ZXDC: variants seen among roughly 807,000 people sequenced by gnomAD.
The protein encoded by ZXDC is zinc finger protein ZXDC.
A neutral mutation model predicts 63.6 loss-of-function variants in ZXDC; 58 were observed. The ratio of observed to expected loss-of-function variants is 0.91; its 90% CI spans 0.74 to 1.13. The LOEUF is 1.13. Among genes scored for constraint, ZXDC ranks in the 50% most tolerant of loss-of-function variants. ZXDC has a pLI of 0.00. For missense variants in ZXDC, 1,133 were observed against 1,148.9 expected, an observed-to-expected ratio of 0.99 and a Z score of 0.20; for synonymous variants, 561 against 496.1, an observed-to-expected ratio of 1.13 and a Z score of -1.74.
chr3:126,460,354 G>C, intron 6 of ZXDC: 1 of 602,464 alleles, frequency 1.7e-6, no homozygotes, highest in South Asian at 7.3e-5. Context: ...AAAAAGAGCA[G>C]CCCTCAAAGC....
At chr3:126,444,332 A>C (rs557255579) in intron 7 of ZXDC, among the ~76,000 whole-genome samples, 2 of 152,306 alleles carry the variant, frequency 1.3e-5, no homozygotes, top group South Asian at 4.1e-4. Flanking sequence ...GGAGATCGAG[A>C]CCATCCTGGC....
chr3:126,439,819 G>A, intron 8 of ZXDC, 92 bp from the exon 9 acceptor site: 1 of 1,470,040 alleles, frequency 6.8e-7, no homozygotes. Context: ...CAGCTGCAAT[G>A]CGTGGCAGAA....
rs536009980 is a variant in ZXDC, at chr3:126,438,878, C to G, written c.2491-417G>C. ...GCCCCATCTAGCCTGTCTCCTCCTG[C>G]TACAAGAAGTGTTCCTGCTGTTGCA... On this transcript the variant is annotated intron_variant, in intron 9 of 9. Coordinates refer to ENST00000389709, the MANE Select transcript of ZXDC (RefSeq NM_025112.5). 6.6e-5 allele frequency among the ~76,000 whole-genome samples: 10 copies of G among 152,326 alleles called. No individual in the cohort carries two copies. The East Asian group carries it at 1.9e-3, about 29-fold the overall frequency.
intron 7 of ZXDC, among the ~76,000 whole-genome samples, chr3:126,444,562 C>A (rs1020894646): frequency 6.6e-6 from 1 of 151,932 alleles, no homozygotes; most frequent in African/African-American, 2.4e-5. Context: ...ATATGAAAAC[C>A]ACTGTAGAAT....
chr3:126,450,042 T>C (rs1042480201), intron 7 of ZXDC, among the ~76,000 whole-genome samples: 12 of 152,114 alleles, frequency 7.9e-5, no homozygotes, highest in African/African-American at 2.9e-4. Flanking sequence ...CCAAGCACCT[T>C]TCTACCTTTC....
At chr3:126,454,942 G>A (rs1219162371) in intron 7 of ZXDC, 19 of 985,250 alleles carry the variant, frequency 1.9e-5, no homozygotes, top group Non-Finnish European at 2.3e-5. Flanking sequence ...AAGAGTCTTG[G>A]ATTTCAAATG....
Position 126,461,543 on chromosome 3 carries a change from A to G in ZXDC, c.2119T>C (p.Phe707Leu). 1 of 1,608,474 alleles carries G rather than the reference A, an allele frequency of 6.2e-7. No homozygotes were observed. Among genetic ancestry groups the G allele is most frequent in the Non-Finnish European group, 8.5e-7 (1 of 1,175,838 alleles). ...AATAGAGTGCTTCATACCAAATAGA[A>G]GTTGCCAGTGCCTGCACTGAGCTCT... The part of the protein sequence containing the change: ...DTELSAGTGN[F>L]YLESGGSART... Residue 707 changes from phenylalanine (F) to leucine (L), a missense_variant, in exon 6 of 10, where the codon TTC (phenylalanine) becomes CTC (leucine). Physicochemically the swap from Phe to Leu is conservative, Grantham distance 22. Transcript: ENST00000389709.
intron 7 of ZXDC, among the ~76,000 whole-genome samples, chr3:126,457,936 A>G (rs1934371804): frequency 6.6e-6 from 1 of 152,228 alleles, no homozygotes; most frequent in East Asian, 1.9e-4. Flanking sequence ...TAAAACAGTG[A>G]TGTGATCATT....
intron 9 of ZXDC, among the ~76,000 whole-genome samples, chr3:126,439,112 G>A (rs1217572370): frequency 2.6e-5 from 4 of 152,204 alleles, no homozygotes; most frequent in East Asian, 1.9e-4. Flanking sequence ...TTTTGATTGC[G>A]AGGGAAATGC....
intron 5 of ZXDC, among the ~76,000 whole-genome samples, chr3:126,465,114 C>T (rs1021605111): frequency 3.3e-5 from 5 of 152,230 alleles, no homozygotes; most frequent in Admixed American, 6.5e-5. Flanking sequence ...GCTGGTCACA[C>T]AGGAGACGTG....
chr3:126,439,851 A>G, intron 8 of ZXDC, 124 bp from the exon 9 acceptor site: 1 of 1,448,088 alleles, frequency 6.9e-7, no homozygotes, highest in Non-Finnish European at 9.0e-7. Flanking sequence ...CCTGTATTCC[A>G]AGGGAGGCCC....
chr3:126,441,324 T>C (rs1453726779), intron 8 of ZXDC: 5 of 1,001,766 alleles, frequency 5.0e-6, no homozygotes, highest in Non-Finnish European at 4.8e-6. Context: ...GAAAGGCTGC[T>C]AGTGCGCCAC....
chr3:126,440,416 T>G (rs936977185), intron 8 of ZXDC: 9 of 985,156 alleles, frequency 9.1e-6, no homozygotes, highest in African/African-American at 1.7e-5. Context: ...AGGCCCGGAG[T>G]GCTTAAGTAA....
chr3:126,462,220 T>C lies in ZXDC; in HGVS notation c.1442A>G (p.Asp481Gly). The C allele has an allele frequency of 6.4e-7, 1 of 1,571,306 alleles. No individual in the cohort carries two copies. Among genetic ancestry groups the C allele is most frequent in the Non-Finnish European group, 8.6e-7 (1 of 1,165,906 alleles). The change falls in exon 6 of 10, where the codon GAT becomes GGT. Residue 481 changes from aspartate to glycine, a missense_variant and splice_region_variant. Transcript: ENST00000389709. ...CGGAGCTTCTAGCTGAGGTAAGAGA[T>C]CTGAAAAAAAAAGGAATACACTCTG... ...HMVRQHSRRQDLLPQLEAPSS... is the reference protein window; with the variant it reads ...HMVRQHSRRQGLLPQLEAPSS...
chr3:126,456,219 G>A (rs1160873867), intron 7 of ZXDC, among the ~76,000 whole-genome samples: 1 of 152,232 alleles, frequency 6.6e-6, no homozygotes, highest in Non-Finnish European at 1.5e-5. Context: ...AAGGCAAAGG[G>A]TTAACCCTGC....
rs567068779 is a variant in ZXDC at position 126,445,869 on chromosome 3, A to C, written c.2213-3923T>G. 4.6e-5 allele frequency among the ~76,000 whole-genome samples: 7 copies of C among 152,290 alleles called. No homozygotes were observed. In the South Asian group the frequency reaches 1.5e-3, roughly 32 times the overall value. The stretch of plus-strand genomic sequence containing the variant: ...GTCTGGTGGTATGTCGTGAACATTT[A>C]AGATGGCTGAAAGTTAATCATAAAC... On this transcript the variant is annotated intron_variant, in intron 7 of 9. Transcript: ENST00000389709.
At chr3:126,441,643 G>C in intron 8 of ZXDC, 122 bp downstream of exon 8, 1 of 1,429,212 alleles carries the variant, frequency 7.0e-7, no homozygotes, top group Non-Finnish European at 9.1e-7. Flanking sequence ...GAGGATGCAC[G>C]AGGGGCAGGC....
chr3:126,467,320 A>G (rs1390740831), intron 4 of ZXDC, among the ~76,000 whole-genome samples: 1 of 149,270 alleles, frequency 6.7e-6, no homozygotes, highest in Non-Finnish European at 1.5e-5. Context: ...GCCTTAGACA[A>G]ATTATTTATC....
intron 9 of ZXDC, 90 bp from the exon 10 acceptor site, chr3:126,438,551 C>G: frequency 8.5e-7 from 1 of 1,171,164 alleles, no homozygotes; most frequent in South Asian, 1.5e-5. Flanking sequence ...TGACCAGGCC[C>G]GTGGTGAGAT....
Sources: gnomAD v4.1 joint callset for allele counts (sites outside exome capture counted in the v4.1 genomes callset) on GRCh38, gnomAD v4.1.1 for gene constraint, MANE v1.5 for transcripts, NCBI Gene and HGNC (gene_info 2026-07-23, HGNC 2026-07-21) for gene names.